Variants in PKHD1 observed in about 807,000 individuals in gnomAD.
PKHD1 encodes the protein fibrocystin.
PKHD1 carries 291 observed loss-of-function variants against 412.0 expected under a neutral mutation model. The ratio of observed to expected loss-of-function variants is 0.71; its 90% confidence interval spans 0.64 to 0.78. PKHD1 has a LOEUF of 0.78. PKHD1 is among the 30% of genes least tolerant of loss of function. The pLI is 0.00. For synonymous variants in PKHD1, 1,777 were observed against 1,821.5 expected, an observed-to-expected ratio of 0.98 and a Z score of 0.62; for missense variants, 4,825 against 4,950.7, an observed-to-expected ratio of 0.97 and a Z score of 0.76.
At chr6:52,014,515 G>A (rs1256757271) in intron 34 of PKHD1, among the ~76,000 whole-genome samples, 2 of 152,030 alleles carry the variant, frequency 1.3e-5, no homozygotes, top group Non-Finnish European at 2.9e-5. Context: ...ATGGATGGAT[G>A]GATGGATGGA....
At chr6:51,848,971 C>T (rs35983762) in intron 49 of PKHD1, among the ~76,000 whole-genome samples, 12,239 of 142,122 alleles carry the variant, frequency 0.086, 508 homozygotes, top group Middle Eastern at 0.1. Flanking sequence ...AGGTGCAGAA[C>T]GTGCAGGTTT....
At chr6:51,856,962 T>C (rs542144770) in intron 48 of PKHD1, among the ~76,000 whole-genome samples, 5 of 152,342 alleles carry the variant, frequency 3.3e-5, no homozygotes, top group African/African-American at 1.2e-4. Context: ...GTTCTATATA[T>C]AGAACGTATA....
At chr6:51,647,024 T>C (rs1770171035) in intron 63 of PKHD1, among the ~76,000 whole-genome samples, 1 of 152,210 alleles carries the variant, frequency 6.6e-6, no homozygotes, top group South Asian at 2.1e-4. Flanking sequence ...CTGTTGACTG[T>C]CTGGCTCCAG....
chr6:51,855,841 G>T, intron 49 of PKHD1, 52 bp downstream of exon 49: 1 of 1,363,578 alleles, frequency 7.3e-7, no homozygotes, highest in Non-Finnish European at 1.1e-6. Context: ...AACAAAGAAA[G>T]ATAAGAACAA....
At chr6:51,977,989 C>CA (rs928654114) in intron 35 of PKHD1, among the ~76,000 whole-genome samples, 2 of 152,058 alleles carry the variant, frequency 1.3e-5, no homozygotes, top group Middle Eastern at 3.2e-3. Context: ...ATCCTCCCCG[C>CA]AAAAAAATGG....
intron 55 of PKHD1, among the ~76,000 whole-genome samples, chr6:51,757,065 A>T (rs1787142404): frequency 6.6e-6 from 1 of 152,166 alleles, no homozygotes; most frequent in Admixed American, 6.5e-5. Context: ...CCCAGGCAGT[A>T]ATGCTCCCTT....
chr6:51,916,920 A>G (rs1243986205), intron 37 of PKHD1, among the ~76,000 whole-genome samples: 10 of 152,070 alleles, frequency 6.6e-5, no homozygotes, highest in Admixed American at 5.2e-4. Flanking sequence ...TACTCCCACT[A>G]ATGACTTCTA....
intron 35 of PKHD1, among the ~76,000 whole-genome samples, chr6:51,969,734 C>T (rs1793379938): frequency 1.3e-5 from 2 of 152,036 alleles, no homozygotes. Flanking sequence ...TTTTTTATTG[C>T]TGAGTAGAAT....
chr6:51,802,367 T>A (rs563417386), intron 52 of PKHD1, among the ~76,000 whole-genome samples: 1 of 151,646 alleles, frequency 6.6e-6, no homozygotes, highest in African/African-American at 2.4e-5. Context: ...TTTATCCACA[T>A]AATTCTATTA....
chr6:52,072,567 ATG>A (rs1810776518), intron 7 of PKHD1, among the ~76,000 whole-genome samples: 1 of 152,192 alleles, frequency 6.6e-6, no homozygotes, highest in Non-Finnish European at 1.5e-5. Flanking sequence ...ATTCCCAAGG[ATG>A]TAGTAGGAGT....
chr6:51,684,643 A>G (rs72892143), intron 60 of PKHD1, among the ~76,000 whole-genome samples: 18,503 of 152,082 alleles, frequency 0.12, 1,706 homozygotes, highest in East Asian at 0.32. Context: ...CCTGCTAGAT[A>G]TTCCCCCACT....
At chr6:51,668,110 G>A (rs1192991855) in intron 60 of PKHD1, among the ~76,000 whole-genome samples, 1 of 152,088 alleles carries the variant, frequency 6.6e-6, no homozygotes, top group Non-Finnish European at 1.5e-5. Flanking sequence ...GATGAGGATG[G>A]CACTGAATCT....
chr6:52,015,932 C>T (rs190959363), intron 34 of PKHD1, among the ~76,000 whole-genome samples: 4 of 152,166 alleles, frequency 2.6e-5, no homozygotes, highest in East Asian at 3.8e-4. Flanking sequence ...ACTGTCAATG[C>T]GTTCTGAGGC....
At chr6:51,720,968 A>C (rs752915968) in intron 60 of PKHD1, 40 of 983,418 alleles carry the variant, frequency 4.1e-5, no homozygotes, top group Non-Finnish European at 4.8e-5. Flanking sequence ...TATGAAGGAA[A>C]AGATCTGGCA....
chr6:51,939,844 C>A (rs1224924867), intron 36 of PKHD1, among the ~76,000 whole-genome samples: 1 of 151,328 alleles, frequency 6.6e-6, no homozygotes, highest in Non-Finnish European at 1.5e-5. Context: ...CAGGCCCAGC[C>A]AGGTCCCAAT....
Position 51,858,600 on chromosome 6 carries a change from G to T in PKHD1, c.7734-2530C>A, listed in dbSNP as rs200336032. ...CTTCCAGTTTTTACTGAGACATATG[G>T]GCTTGGATTTATTTAAATAAATCTT... On this transcript the variant is annotated intron_variant, in intron 48 of 66. Coordinates refer to ENST00000371117, the MANE Select transcript of PKHD1 (RefSeq NM_138694.4). Among the ~76,000 whole-genome samples, 3 of 151,930 alleles carry T rather than the reference G, an allele frequency of 2.0e-5. No homozygotes were observed. The East Asian group carries it at 5.8e-4, about 29-fold the overall frequency.
chr6:51,865,481 T>C (rs1046923202), intron 48 of PKHD1, among the ~76,000 whole-genome samples: 5 of 152,028 alleles, frequency 3.3e-5, no homozygotes, highest in Non-Finnish European at 5.9e-5. Flanking sequence ...AAATAACTTA[T>C]AGTGAAAATG....
rs149583977 is a variant in PKHD1 at position 51,843,683 on chromosome 6, G to C, written c.8107+4092C>G. 2.2e-3 allele frequency among the ~76,000 whole-genome samples: 332 copies of C among 152,256 alleles called. 1 individual carries two copies. Among genetic ancestry groups the C allele is most frequent in the Non-Finnish European group, 3.9e-3 (266 of 68,026 alleles). ...CATAGAAGCTACAGTTGGGATACAC[G>C]ATAATAGTTCATCGTATTCATAATT... On this transcript the variant is annotated intron_variant, in intron 50 of 66. Transcript: ENST00000371117.
chr6:51,926,973 C>T (rs1218844948), intron 37 of PKHD1, among the ~76,000 whole-genome samples: 2 of 152,172 alleles, frequency 1.3e-5, no homozygotes, highest in African/African-American at 4.8e-5. Flanking sequence ...CAGGACCATG[C>T]TTGCTGATGT....
Sources: allele counts gnomAD v4.1 joint callset (sites outside exome capture counted in the v4.1 genomes callset), GRCh38; gene constraint gnomAD v4.1.1; transcripts MANE v1.5; gene names NCBI Gene and HGNC (gene_info 2026-07-23, HGNC 2026-07-21).